PRAG1: variants seen among roughly 807,000 people sequenced by gnomAD.
The protein encoded by PRAG1 is inactive tyrosine-protein kinase PRAG1.
Under a neutral mutation model 95.6 loss-of-function variants are expected in PRAG1, and 110 were observed. That is an observed-to-expected ratio of 1.15 (90% CI 0.99 to 1.35). The LOEUF (loss-of-function observed/expected upper bound fraction) is 1.35, where lower values mean the gene tolerates loss of function less well. Ranked by LOEUF, PRAG1 falls within the 40% of genes most tolerant of loss-of-function variation. The pLI, the probability that PRAG1 is intolerant of heterozygous loss-of-function variation, is 0.00. For synonymous variants in PRAG1, 1,052 were observed against 819.4 expected (o/e 1.28, Z -4.85); for missense variants, 2,554 against 1,864.7 (o/e 1.37, Z -6.81).
intron 4 of PRAG1, among the ~76,000 whole-genome samples, chr8:8,332,355 GT>G (rs1260014730): frequency 6.6e-6 from 1 of 151,956 alleles, no homozygotes; most frequent in Non-Finnish European, 1.5e-5. Flanking sequence ...TAGAGACGGG[GT>G]TTCACCATGT....
chr8:8,378,114 G>T, intron 2 of PRAG1, 36 bp from the exon 3 acceptor site: 2 of 1,506,060 alleles, frequency 1.3e-6, no homozygotes, highest in Non-Finnish European at 8.8e-7. Flanking sequence ...ACTTATATTA[G>T]AACTTGTCAT....
chr8:8,339,760 A>G (rs1217793952), intron 3 of PRAG1, 125 bp from the exon 4 acceptor site: 3 of 810,612 alleles, frequency 3.7e-6, no homozygotes, highest in Non-Finnish European at 5.3e-6. Flanking sequence ...TATTAAAAGA[A>G]AAAAAAAAGA....
rs773460162 is a variant in PRAG1, at chr8:8,376,926, A to G, written c.1483T>C (p.Ser495Pro). The part of the protein sequence containing the change: ...HRTIYLSSPD[S>P]AVGVQWPRGP... ...CGTGGCCACTGCACCCCCACTGCAG[A>G]GTCAGGGCTGCTCAGGTAGATCGTC... Residue 495 changes from serine to proline, a missense_variant, in exon 3 of 6, where the codon TCT becomes CCT. Physicochemically the swap from Ser to Pro is moderately conservative, Grantham distance 74. Coordinates refer to ENST00000615670, the MANE Select transcript of PRAG1 (RefSeq NM_001080826.3). 1 of 1,613,388 alleles carries G rather than the reference A, an allele frequency of 6.2e-7. No individual in the cohort carries two copies. The highest frequency in any genetic ancestry group is 8.5e-7 in the Non-Finnish European group (1 of 1,180,016).
At chr8:8,320,940 T>C (rs1798453702) in intron 5 of PRAG1, among the ~76,000 whole-genome samples, 1 of 152,238 alleles carries the variant, frequency 6.6e-6, no homozygotes, top group South Asian at 2.1e-4. Context: ...GGTAACACAT[T>C]AATTTAGTAA....
At chr8:8,324,558 C>A (rs1057024359) in intron 5 of PRAG1, among the ~76,000 whole-genome samples, 1 of 152,158 alleles carries the variant, frequency 6.6e-6, no homozygotes, top group African/African-American at 2.4e-5. Context: ...TTTTCTCCAT[C>A]TCCATCTCCC....
At chr8:8,338,886 C>A (rs1337073244) in intron 4 of PRAG1, among the ~76,000 whole-genome samples, 1 of 152,174 alleles carries the variant, frequency 6.6e-6, no homozygotes, top group African/African-American at 2.4e-5. Flanking sequence ...AAATATGACC[C>A]ATCCAGGCCA....
At chr8:8,359,954 AT>A (rs1799795284) in intron 3 of PRAG1, among the ~76,000 whole-genome samples, 1 of 152,168 alleles carries the variant, frequency 6.6e-6, no homozygotes, top group Non-Finnish European at 1.5e-5. Context: ...ATTTTCTAAA[AT>A]TTTTGCCTTA....
chr8:8,354,244 A>G (rs1013789348), intron 3 of PRAG1, among the ~76,000 whole-genome samples: 1 of 152,112 alleles, frequency 6.6e-6, no homozygotes, highest in East Asian at 1.9e-4. Flanking sequence ...GCTTGAACAG[A>G]CCAGTAACAA....
intron 2 of PRAG1, among the ~76,000 whole-genome samples, chr8:8,378,521 T>C (rs576445533): frequency 6.6e-6 from 1 of 152,256 alleles, no homozygotes; most frequent in Non-Finnish European, 1.5e-5. Flanking sequence ...CCAATCACAG[T>C]GCATGCCTGA....
rs116369868 is a variant in PRAG1 at position 8,357,001 on chromosome 8, C to T, written c.2163-17366G>A. ...CACATGCAAAAAAATGAAAGTGGACCCTTGCCTAATATTGTATACAAAAAT... is the reference window on the plus strand; with the variant it reads ...CACATGCAAAAAAATGAAAGTGGACTCTTGCCTAATATTGTATACAAAAAT... On this transcript the variant is annotated intron_variant, in intron 3 of 5. Transcript: ENST00000615670. Among the ~76,000 whole-genome samples the T allele has an allele frequency of 3.7e-3, 556 of 152,186 alleles. 4 individuals carry two copies. The highest frequency in any genetic ancestry group is 0.013 in the African/African-American group (524 of 41,536).
intron 3 of PRAG1, among the ~76,000 whole-genome samples, chr8:8,349,373 C>G (rs1158919111): frequency 6.6e-6 from 1 of 151,992 alleles, no homozygotes; most frequent in African/African-American, 2.4e-5. Context: ...ATCTGCCTCC[C>G]GGGTTCACGC....
intron 4 of PRAG1, among the ~76,000 whole-genome samples, chr8:8,331,651 A>G (rs1252899218): frequency 6.6e-6 from 1 of 152,218 alleles, no homozygotes; most frequent in East Asian, 1.9e-4. Flanking sequence ...TTTTAGCAAC[A>G]TAATCGGTAA....
chr8:8,358,139 C>T (rs1799737412), intron 3 of PRAG1, among the ~76,000 whole-genome samples: 1 of 152,226 alleles, frequency 6.6e-6, no homozygotes, highest in Non-Finnish European at 1.5e-5. Context: ...CTCCCATAAT[C>T]TCCTCCTTGG....
chr8:8,335,948 A>G (rs1328949886), intron 4 of PRAG1, among the ~76,000 whole-genome samples: 1 of 152,226 alleles, frequency 6.6e-6, no homozygotes, highest in Non-Finnish European at 1.5e-5. Context: ...GCATTTCTTA[A>G]AAATTTGCCA....
In PRAG1 at chr8:8,376,315, G is replaced by A; in HGVS notation, c.2094C>T (p.Ala698=). ...GTGMSKSASF[A]FEFPKDRSGI... Reference sequence around the variant, plus strand: ...CACTTCTGTCCTTGGGGAACTCAAAGGCAAAAGAGGCGGATTTGCTCATCC... The same window carrying A: ...CACTTCTGTCCTTGGGGAACTCAAAAGCAAAAGAGGCGGATTTGCTCATCC... The change falls in exon 3 of 6, where the codon GCC becomes GCT. Residue 698 remains alanine, a synonymous_variant. Transcript: ENST00000615670. 6.2e-7 allele frequency: 1 copy of A among 1,614,198 alleles called. No homozygotes were observed. Among genetic ancestry groups the A allele is most frequent in the Non-Finnish European group, 8.5e-7 (1 of 1,180,046 alleles).
chr8:8,377,483 T>C lies in PRAG1; in HGVS notation c.926A>G (p.Lys309Arg), dbSNP rs1022780016. ...EQEKRGPSFP[K>R]ECCSQGPTAH... ...AGTGGGGCCCTGGCTACAGCACTCCTTGGGGAAGCTCGGGCCCCGCTTCTC... is the reference window on the plus strand; with the variant it reads ...AGTGGGGCCCTGGCTACAGCACTCCCTGGGGAAGCTCGGGCCCCGCTTCTC... Residue 309 changes from lysine (K) to arginine (R), a missense_variant, in exon 3 of 6, where the codon AAG becomes AGG. Transcript: ENST00000615670. 4.5e-6 allele frequency: 7 copies of C among 1,551,948 alleles called. No homozygotes were observed. The highest frequency in any genetic ancestry group is 1.7e-4 in the Middle Eastern group (1 of 5,772).
In PRAG1 at chr8:8,377,565, T is replaced by C. The variant is rs902755632; in HGVS notation, c.844A>G (p.Arg282Gly). 1 of 1,609,496 alleles carries C rather than the reference T, an allele frequency of 6.2e-7. No individual in the cohort carries two copies. Residue 282 changes from arginine to glycine, a missense_variant, in exon 3 of 6, where the codon AGG (arginine) becomes GGG (glycine). By Grantham distance (125) the Arg-to-Gly change is moderately radical (BLOSUM62 -2). Coordinates refer to ENST00000615670, the MANE Select transcript of PRAG1 (RefSeq NM_001080826.3). ...TCCCAGCACGTGGGTGAGCAGTCCC[T>C]GCCACCATGCCTGCCCCGGGAACCT... Reference protein sequence around the residue: ...TAGSRGRHGGRDCSPTCWEQG... With the variant: ...TAGSRGRHGGGDCSPTCWEQG...
chr8:8,346,337 G>C (rs117570272), intron 3 of PRAG1, among the ~76,000 whole-genome samples: 4 of 152,168 alleles, frequency 2.6e-5, no homozygotes, highest in African/African-American at 9.7e-5. Flanking sequence ...CTTCACTCAC[G>C]TAGTGTGATA....
intron 3 of PRAG1, among the ~76,000 whole-genome samples, chr8:8,360,627 T>C (rs1799814462): frequency 6.6e-6 from 1 of 152,264 alleles, no homozygotes; most frequent in Non-Finnish European, 1.5e-5. Flanking sequence ...TTCTTAGCAA[T>C]GTCTGGCCAA....
Sources: gnomAD v4.1 joint callset for allele counts (sites outside exome capture counted in the v4.1 genomes callset) on GRCh38, gnomAD v4.1.1 for gene constraint, MANE v1.5 for transcripts, NCBI Gene and HGNC (gene_info 2026-07-23, HGNC 2026-07-21) for gene names.